The following ZNF141 variants were observed in gnomAD, a reference collection of about 807,000 sequenced individuals.
ZNF141 encodes the protein zinc finger protein 141 (clone pHZ-44).
In ZNF141, 7 loss-of-function variants were observed where a neutral mutation model predicts 11.3. The observed-to-expected ratio is 0.62, with a 90% CI of 0.35 to 1.16. The LOEUF (loss-of-function observed/expected upper bound fraction) is 1.16, where lower values mean the gene tolerates loss of function less well. ZNF141 is among the 50% of genes most tolerant of loss of function. The pLI is 0.02. For missense variants in ZNF141, 535 were observed against 554.0 expected (o/e 0.97, Z 0.34); for synonymous variants, 183 against 190.7 (o/e 0.96, Z 0.33).
In ZNF141 at chr4:378,835, ATTTTTT is replaced by A. The variant is rs570639890; in HGVS notation, c.*4995_*5000del. ...GTTGAATCCAAACAGTTTCTCAGTG[ATTTTTT>A]TTTTTTTTTTTTTTTTTTTTTGAGA... On this transcript the variant is annotated 3_prime_UTR_variant, in exon 4 of 4. Transcript: ENST00000240499. 2.9e-3 allele frequency among the ~76,000 whole-genome samples: 230 copies of A among 78,610 alleles called. 1 individual carries two copies. The highest frequency in any genetic ancestry group is 0.012 in the African/African-American group (206 of 16,542). 51.6% of individuals were successfully genotyped at this position (78,610 alleles called of 152,430 possible). A position where few individuals can be genotyped will look rare whatever the true frequency, so the allele number is the denominator to read the frequency against.
intron 1 of ZNF141, among the ~76,000 whole-genome samples, chr4:340,433 G>GA (rs1409229046): frequency 6.6e-6 from 1 of 152,204 alleles, no homozygotes; most frequent in Non-Finnish European, 1.5e-5. Flanking sequence ...ATGATCTTCA[G>GA]ATCTGACACT....
In ZNF141 at chr4:380,481, G is replaced by A. The variant is rs201444054; in HGVS notation, c.*6619G>A. On this transcript the variant is annotated 3_prime_UTR_variant, in exon 4 of 4. Transcript: ENST00000240499. ...AGTCTGGCCAACATGGTGAAACCCC[G>A]TCTCTACTACAAATATAAAAATTAG... Among the ~76,000 whole-genome samples, 3 of 151,926 alleles carry A rather than the reference G, an allele frequency of 2.0e-5. No homozygotes were observed. Among genetic ancestry groups the A allele is most frequent in the East Asian group, 1.9e-4 (1 of 5,174 alleles).
At chr4:361,790 G>C (rs1429773267) in intron 3 of ZNF141, among the ~76,000 whole-genome samples, 1 of 152,184 alleles carries the variant, frequency 6.6e-6, no homozygotes, top group African/African-American at 2.4e-5. Context: ...ATGGACATTT[G>C]CGTTGGTTCC....
chr4:356,335 T>G (rs1333332200), intron 3 of ZNF141, among the ~76,000 whole-genome samples: 2 of 152,054 alleles, frequency 1.3e-5, no homozygotes, highest in African/African-American at 2.4e-5. Context: ...TTTGTTTGTT[T>G]TTTGAGACAG....
chr4:371,972 C>T (rs1712088415), intron 3 of ZNF141, among the ~76,000 whole-genome samples: 2 of 152,226 alleles, frequency 1.3e-5, no homozygotes, highest in South Asian at 4.1e-4. Flanking sequence ...TTTTTCCTGA[C>T]ATAGTCTGAA....
intron 1 of ZNF141, chr4:342,743 G>A: frequency 1.5e-6 from 2 of 1,368,270 alleles, no homozygotes; most frequent in Non-Finnish European, 2.1e-6. Flanking sequence ...TGGGTGAAAA[G>A]TCCTTATTTA....
Position 380,639 on chromosome 4 carries a change from C to A in ZNF141, c.*6777C>A, listed in dbSNP as rs1581636491. ...TGCACTCCAGCCTGGGTGACAAGAGCAAAACTCCATCCCCCCTGCCCAAAA... is the reference window on the plus strand; with the variant it reads ...TGCACTCCAGCCTGGGTGACAAGAGAAAAACTCCATCCCCCCTGCCCAAAA... On this transcript the variant is annotated 3_prime_UTR_variant, in exon 4 of 4. Coordinates refer to ENST00000240499, the MANE Select transcript of ZNF141 (RefSeq NM_003441.4). Among the ~76,000 whole-genome samples the A allele has an allele frequency of 6.8e-6, 1 of 146,206 alleles. No homozygotes were observed. Among genetic ancestry groups the A allele is most frequent in the East Asian group, 2.0e-4 (1 of 5,054 alleles).
rs1278974468 is a variant in ZNF141 at position 382,788 on chromosome 4, A to G, written c.*8926A>G. 6 of 204,752 alleles carry G rather than the reference A, an allele frequency of 2.9e-5. No homozygotes were observed. In the East Asian group the frequency reaches 7.6e-4, roughly 26 times the overall value. The allele number at this position is 204,752 out of a possible 1,614,324, so 12.7% of individuals were successfully genotyped here. On this transcript the variant is annotated 3_prime_UTR_variant, in exon 4 of 4. Coordinates refer to ENST00000240499, the MANE Select transcript of ZNF141 (RefSeq NM_003441.4). ...CCTGGCTGAGTAGTGTGGTCTATGG[A>G]GGTGCATGGGCTTCAGAATCAGGCC...
Position 369,762 on chromosome 4 carries a change from A to ATTTTTT in ZNF141, c.227-2901_227-2900insTTTTTT, listed in dbSNP as rs1440952353. Among the ~76,000 whole-genome samples the ATTTTTT allele has an allele frequency of 3.2e-3, 108 of 33,488 alleles. 4 individuals are homozygous for ATTTTTT. The highest frequency in any genetic ancestry group is 0.018 in the African/African-American group (98 of 5,314). The allele number at this position is 33,488 out of a possible 152,430, so 22.0% of individuals were successfully genotyped here. A position where few individuals can be genotyped will look rare whatever the true frequency, so the allele number is the denominator to read the frequency against. On this transcript the variant is annotated intron_variant, in intron 3 of 3. Coordinates refer to ENST00000240499, the MANE Select transcript of ZNF141 (RefSeq NM_003441.4). ...GATATATATATATATATATATATAT[A>ATTTTTT]TATTTTTTTTTTTTTTTTTTTTGAG... is the stretch of plus-strand genomic sequence containing the variant.
intron 3 of ZNF141, among the ~76,000 whole-genome samples, chr4:366,577 C>G (rs1001825330): frequency 6.6e-6 from 1 of 152,258 alleles, no homozygotes; most frequent in Non-Finnish European, 1.5e-5. Flanking sequence ...GCTAGGATTA[C>G]AGGCGTGAGC....
intron 3 of ZNF141, among the ~76,000 whole-genome samples, chr4:368,879 G>A (rs1371794795): frequency 6.6e-6 from 1 of 152,094 alleles, no homozygotes; most frequent in Non-Finnish European, 1.5e-5. Context: ...TATAATTTGG[G>A]GGTTGCTGTT....
chr4:367,250 T>C (rs1172270718), intron 3 of ZNF141, among the ~76,000 whole-genome samples: 1 of 152,200 alleles, frequency 6.6e-6, no homozygotes, highest in Non-Finnish European at 1.5e-5. Flanking sequence ...ATCACTGATA[T>C]GTCTATTTCC....
intron 3 of ZNF141, among the ~76,000 whole-genome samples, chr4:344,687 G>A (rs748450871): frequency 3.9e-5 from 6 of 152,084 alleles, no homozygotes; most frequent in South Asian, 2.1e-4. Flanking sequence ...CCAGCTACTC[G>A]GGAGGCTGAA....
intron 3 of ZNF141, among the ~76,000 whole-genome samples, chr4:357,342 C>G (rs1040822158): frequency 6.6e-6 from 1 of 150,948 alleles, no homozygotes; most frequent in African/African-American, 2.4e-5. Flanking sequence ...CTATATTGAC[C>G]CAGGAGGTGG....
Position 381,970 on chromosome 4 carries a change from C to G in ZNF141, c.*8108C>G, listed in dbSNP as rs1280718579. ...ACTTTTTTTTTTTTTTTTTTTGAGA[C>G]GGAGTCTCACTCTCGCCCAGGCTGG... On this transcript the variant is annotated 3_prime_UTR_variant, in exon 4 of 4. Transcript: ENST00000240499. 5.2e-5 allele frequency among the ~76,000 whole-genome samples: 5 copies of G among 95,624 alleles called. No individual in the cohort carries two copies. Among genetic ancestry groups the G allele is most frequent in the African/African-American group, 3.2e-4 (5 of 15,602 alleles). 62.7% of individuals were successfully genotyped at this position (95,624 alleles called of 152,430 possible).
rs1250004347 is a variant in ZNF141 at position 379,195 on chromosome 4, T to A, written c.*5333T>A. 1.3e-5 allele frequency among the ~76,000 whole-genome samples: 2 copies of A among 151,936 alleles called. No individual in the cohort carries two copies. Among genetic ancestry groups the A allele is most frequent in the African/African-American group, 2.4e-5 (1 of 41,366 alleles). ...TTACTGTGTTCACGAAGTGGCCAATTTTGGGACCTTTAGCATCACTTGCCC... is the reference window on the plus strand; with the variant it reads ...TTACTGTGTTCACGAAGTGGCCAATATTGGGACCTTTAGCATCACTTGCCC... On this transcript the variant is annotated 3_prime_UTR_variant, in exon 4 of 4. Transcript: ENST00000240499.
chr4:369,640 T>A lies in ZNF141; in HGVS notation c.227-3024T>A, dbSNP rs371121872. 1.3e-4 allele frequency among the ~76,000 whole-genome samples: 19 copies of A among 149,914 alleles called. 1 individual carries two copies. The East Asian group carries it at 2.1e-3, about 17-fold the overall frequency. ...TTTTCTTTTTCTGTCTTCCTGTTTG[T>A]CTTTTAGATTTTTGTGTTGATAGGA... On this transcript the variant is annotated intron_variant, in intron 3 of 3. Transcript: ENST00000240499.
At chr4:342,498 G>A (rs1438267566) in intron 1 of ZNF141, among the ~76,000 whole-genome samples, 4 of 152,288 alleles carry the variant, frequency 2.6e-5, no homozygotes, top group Non-Finnish European at 4.4e-5. Context: ...AGGGAGGAGC[G>A]TCAGCATTAA....
At chr4:353,104 G>A (rs1344617495) in intron 3 of ZNF141, among the ~76,000 whole-genome samples, 3 of 152,156 alleles carry the variant, frequency 2.0e-5, no homozygotes, top group East Asian at 3.8e-4. Flanking sequence ...TGGATGTGGT[G>A]GCTCACGCCT....
Sources: gnomAD v4.1 joint callset for allele counts (sites outside exome capture counted in the v4.1 genomes callset) on GRCh38, gnomAD v4.1.1 for gene constraint, MANE v1.5 for transcripts, NCBI Gene and HGNC (gene_info 2026-07-23, HGNC 2026-07-21) for gene names.